RNF168: variants seen among roughly 807,000 people sequenced by gnomAD.
RNF168 encodes ring finger protein 168.
In RNF168, 34 loss-of-function variants were observed where a neutral mutation model predicts 34.9. That is an observed-to-expected ratio of 0.97 (90% CI 0.74 to 1.30). The LOEUF (loss-of-function observed/expected upper bound fraction) is 1.30. Ranked by LOEUF, RNF168 falls within the 50% of genes most tolerant of loss-of-function variation. RNF168 has a pLI of 0.00. For missense variants in RNF168, 725 were observed against 682.5 expected (o/e 1.06, Z -0.69); for synonymous variants, 264 against 254.7 (o/e 1.04, Z -0.35).
At chr3:196,474,665 C>G (rs1732100577) in intron 5 of RNF168, 1 of 155,348 alleles carries the variant, frequency 6.4e-6, no homozygotes, top group Non-Finnish European at 1.4e-5. Context: ...TCAGGCTGAT[C>G]TCGAACCCCT....
chr3:196,498,221 G>C (rs1046741179), intron 1 of RNF168, among the ~76,000 whole-genome samples: 1 of 152,068 alleles, frequency 6.6e-6, no homozygotes, highest in Non-Finnish European at 1.5e-5. Flanking sequence ...GCAGTGGCGC[G>C]ATCTAGGCTC....
chr3:196,489,547 G>C (rs1018617461), intron 1 of RNF168, among the ~76,000 whole-genome samples: 2 of 151,956 alleles, frequency 1.3e-5, no homozygotes, highest in African/African-American at 4.8e-5. Context: ...GGCTGGTTTC[G>C]AACTCCTAAT....
intron 1 of RNF168, among the ~76,000 whole-genome samples, chr3:196,492,412 T>C (rs56250779): frequency 0.011 from 1,694 of 152,032 alleles, 15 homozygotes; most frequent in Non-Finnish European, 0.019. Context: ...AAGCAAAACA[T>C]ATCATTAAGC....
chr3:196,472,943 C>T (rs1028358618), intron 5 of RNF168, among the ~76,000 whole-genome samples, 171 bp from the exon 6 acceptor site: 3 of 151,974 alleles, frequency 2.0e-5, no homozygotes, highest in African/African-American at 7.3e-5. Flanking sequence ...GCTCTGTCGC[C>T]CAGGCTGGAG....
intron 1 of RNF168, among the ~76,000 whole-genome samples, chr3:196,498,364 A>G (rs1215860669): frequency 6.6e-6 from 1 of 152,146 alleles, no homozygotes; most frequent in Non-Finnish European, 1.5e-5. Flanking sequence ...CATCTTGGCC[A>G]GGCTGGTCTT....
rs1560265568 is a variant in RNF168, at chr3:196,472,471, C to T, written c.1064G>A (p.Cys355Tyr). Residue 355 changes from cysteine to tyrosine, a missense_variant, in exon 6 of 6, where the codon TGC (cysteine) becomes TAC (tyrosine). By Grantham distance (194) the Cys-to-Tyr change is radical. Transcript: ENST00000318037. ...CTGTGTCACCCCTGATGTGGGGGCG[C>T]ACCCACTTTCTGTTCTGCCACAAGG... ...VMPCGRTESG[C>Y]APTSGVTQTN... is the part of the protein sequence containing the mutation. 1 of 1,614,206 alleles carries T rather than the reference C, an allele frequency of 6.2e-7. No homozygotes were observed. Among genetic ancestry groups the T allele is most frequent in the Non-Finnish European group, 8.5e-7 (1 of 1,180,028 alleles).
chr3:196,481,962 CTTTT>C (rs1270244249), intron 4 of RNF168, among the ~76,000 whole-genome samples: 3 of 135,400 alleles, frequency 2.2e-5, no homozygotes, highest in East Asian at 4.6e-4. Context: ...CTGTCCCTGG[CTTTT>C]TTTTTTTTTT....
chr3:196,478,107 G>A (rs765619478), intron 4 of RNF168, among the ~76,000 whole-genome samples: 19 of 152,002 alleles, frequency 1.2e-4, no homozygotes, highest in Non-Finnish European at 2.1e-4. Flanking sequence ...GGAAATATAT[G>A]TCATCAACCC....
At chr3:196,476,604 CG>C (rs1449869629) in intron 4 of RNF168, among the ~76,000 whole-genome samples, 5 of 151,254 alleles carry the variant, frequency 3.3e-5, no homozygotes, top group African/African-American at 1.2e-4. Context: ...TTAGTAGAGA[CG>C]GGGTTTCACC....
At chr3:196,490,380 C>T (rs1732564364) in intron 1 of RNF168, among the ~76,000 whole-genome samples, 1 of 152,174 alleles carries the variant, frequency 6.6e-6, no homozygotes. Context: ...TGCTACTCAA[C>T]TCCAGCTGAC....
rs1213942114 is a variant in RNF168 at position 196,471,681 on chromosome 3, C to CAGTA, written c.*137_*138insTACT. 2.1e-5 allele frequency: 15 copies of CAGTA among 718,674 alleles called. No individual in the cohort carries two copies. The highest frequency in any genetic ancestry group is 3.7e-5 in the Non-Finnish European group (15 of 400,278). 44.5% of individuals were successfully genotyped at this position (718,674 alleles called of 1,614,324 possible). A position where few individuals can be genotyped will look rare whatever the true frequency, so the allele number is the denominator to read the frequency against. On this transcript the variant is annotated 3_prime_UTR_variant, in exon 6 of 6. Transcript: ENST00000318037. ...AGCTCATGTGTCTATGCAGTCCTTACAATCACACAGACCTTCATTAAGGAC... is the reference window on the plus strand; with the variant it reads ...AGCTCATGTGTCTATGCAGTCCTTACAGTAAATCACACAGACCTTCATTAAGGAC...
chr3:196,499,950 TG>T (rs1201300347), intron 1 of RNF168, among the ~76,000 whole-genome samples: 1 of 152,126 alleles, frequency 6.6e-6, no homozygotes, highest in African/African-American at 2.4e-5. Flanking sequence ...AAAACCACAA[TG>T]GGATACCACC....
At chr3:196,497,413 T>C (rs983550251) in intron 1 of RNF168, among the ~76,000 whole-genome samples, 1 of 152,218 alleles carries the variant, frequency 6.6e-6, no homozygotes, top group African/African-American at 2.4e-5. Flanking sequence ...GGCTCACACC[T>C]GTAATCCTCG....
intron 1 of RNF168, among the ~76,000 whole-genome samples, chr3:196,490,844 C>T (rs1732573737): frequency 6.6e-6 from 1 of 152,066 alleles, no homozygotes; most frequent in African/African-American, 2.4e-5. Flanking sequence ...CTATTCAAGA[C>T]AATACAATGG....
rs1732934574 is a variant in RNF168 at position 196,502,869 on chromosome 3, T to G, written c.301+4A>C. ...GGCCAACAAACACGCCATGGTTTAC[T>G]CACCCACTTCCTCTGATTCTTGGCC... On this transcript the variant is annotated splice_donor_region_variant and intron_variant, in intron 1 of 5. Transcript: ENST00000318037. 1.9e-6 allele frequency: 3 copies of G among 1,612,696 alleles called. No individual in the cohort carries two copies. In the East Asian group the frequency reaches 6.7e-5, roughly 36 times the overall value.
intron 1 of RNF168, among the ~76,000 whole-genome samples, chr3:196,497,163 T>A (rs1193484933): frequency 6.6e-6 from 1 of 151,520 alleles, no homozygotes; most frequent in Non-Finnish European, 1.5e-5. Flanking sequence ...AAAAAAAAGA[T>A]TTACTCTAAA....
At chr3:196,488,291 T>C (rs1489229609) in intron 2 of RNF168, among the ~76,000 whole-genome samples, 62 of 151,912 alleles carry the variant, frequency 4.1e-4, no homozygotes, top group Admixed American at 1.2e-3. Flanking sequence ...ACCATCCTGG[T>C]GAACACTGTG....
Position 196,483,666 on chromosome 3 carries a change from A to C in RNF168, c.680+104T>G. ...CTCAACCTCAGACTATTTTCATACA[A>C]AGTTCACGGACCAAACTTTGAGAAT... On this transcript the variant is annotated intron_variant, in intron 4 of 5. Coordinates refer to ENST00000318037, the MANE Select transcript of RNF168 (RefSeq NM_152617.4). 7 of 986,174 alleles carry C rather than the reference A, an allele frequency of 7.1e-6. No individual in the cohort carries two copies. In the South Asian group the frequency reaches 9.1e-5, roughly 13 times the overall value. The allele number at this position is 986,174 out of a possible 1,614,324, so 61.1% of individuals were successfully genotyped here.
chr3:196,494,536 G>A (rs1305006947), intron 1 of RNF168, among the ~76,000 whole-genome samples: 1 of 152,136 alleles, frequency 6.6e-6, no homozygotes, highest in African/African-American at 2.4e-5. Context: ...TCCCATCACT[G>A]AACTAGACTG....
Sources: allele counts gnomAD v4.1 joint callset (sites outside exome capture counted in the v4.1 genomes callset), GRCh38; gene constraint gnomAD v4.1.1; transcripts MANE v1.5; gene names NCBI Gene and HGNC (gene_info 2026-07-23, HGNC 2026-07-21).